GNAZ: variants seen among roughly 807,000 people sequenced by gnomAD.
GNAZ encodes G protein subunit alpha z.
In GNAZ, 3 loss-of-function variants were observed where a neutral mutation model predicts 25.4. The ratio of observed to expected loss-of-function variants is 0.12; its 90% CI spans 0.05 to 0.30. GNAZ has a LOEUF of 0.30. GNAZ is among the 10% of genes least tolerant of loss of function. The pLI is 1.00. For synonymous variants in GNAZ, 211 were observed against 205.7 expected (o/e 1.03, Z -0.22); for missense variants, 241 against 501.8 (o/e 0.48, Z 4.97).
chr22:23,095,744 C>G lies in GNAZ; in HGVS notation c.49C>G (p.Arg17Gly). The G allele has an allele frequency of 6.2e-7, 1 of 1,612,494 alleles. No homozygotes were observed. Among genetic ancestry groups the G allele is most frequent in the Non-Finnish European group, 8.5e-7 (1 of 1,179,722 alleles). The change falls in exon 2 of 3, where the codon CGG becomes GGG. Residue 17 changes from arginine to glycine, a missense_variant. Arg to Gly is a moderately radical substitution (Grantham distance 125). Transcript: ENST00000615612. ...GGAAAAAGAAGCAGCCCGGCGGTCC[C>G]GGAGAATTGACCGCCACCTGCGCTC... is the stretch of plus-strand genomic sequence containing the variant. ...SEEKEAARRSRRIDRHLRSES... is the reference protein window; with the variant it reads ...SEEKEAARRSGRIDRHLRSES...
At chr22:23,114,520 C>T (rs970661832) in intron 2 of GNAZ, among the ~76,000 whole-genome samples, 1 of 152,144 alleles carries the variant, frequency 6.6e-6, no homozygotes, top group Admixed American at 6.5e-5. Context: ...TGTATTACCC[C>T]TCGCCCCCTG....
Position 23,070,822 on chromosome 22 carries a change from C to T in GNAZ, c.-450+252C>T, listed in dbSNP as rs1277944888. On this transcript the variant is annotated intron_variant, in intron 1 of 2. Coordinates refer to ENST00000615612, the MANE Select transcript of GNAZ (RefSeq NM_002073.4). ...GGGATGCGCCGCCAAGCCGATGACC[C>T]CGCGGGAGGGGGCGGTTGAGGACCC... 5 of 152,070 alleles carry T rather than the reference C, an allele frequency of 3.3e-5. No homozygotes were observed. In the East Asian group the frequency reaches 9.7e-4, roughly 30 times the overall value. The allele number at this position is 152,070 out of a possible 1,614,324, so 9.4% of individuals were successfully genotyped here. A position where few individuals can be genotyped will look rare whatever the true frequency, so the allele number is the denominator to read the frequency against.
intron 1 of GNAZ, among the ~76,000 whole-genome samples, chr22:23,072,344 C>T (rs1601742968): frequency 6.6e-6 from 1 of 152,102 alleles, no homozygotes; most frequent in Admixed American, 6.5e-5. Flanking sequence ...ATAAAATATG[C>T]GCCTTGAGCA....
chr22:23,113,670 A>G (rs561181570), intron 2 of GNAZ, among the ~76,000 whole-genome samples: 1 of 152,106 alleles, frequency 6.6e-6, no homozygotes, highest in Admixed American at 6.5e-5. Context: ...AGGCCCCTCC[A>G]CTCGGTACAC....
At chr22:23,072,871 A>G (rs981355768) in intron 1 of GNAZ, among the ~76,000 whole-genome samples, 2 of 152,192 alleles carry the variant, frequency 1.3e-5, no homozygotes, top group Non-Finnish European at 2.9e-5. Context: ...CTGGTGCAGG[A>G]GTATGGGTGG....
At chr22:23,103,533 C>T (rs1256487196) in intron 2 of GNAZ, among the ~76,000 whole-genome samples, 2 of 152,184 alleles carry the variant, frequency 1.3e-5, no homozygotes, top group African/African-American at 4.8e-5. Context: ...GTGTTTACCC[C>T]GCTGGAGAAA....
At chr22:23,119,778 T>A (rs2069958796) in intron 2 of GNAZ, among the ~76,000 whole-genome samples, 1 of 152,196 alleles carries the variant, frequency 6.6e-6, no homozygotes, top group Non-Finnish European at 1.5e-5. Context: ...GGTTGGTGCC[T>A]CCTGCAGGCT....
chr22:23,122,958 G>C, intron 2 of GNAZ, 129 bp from the exon 3 acceptor site: 3 of 638,542 alleles, frequency 4.7e-6, no homozygotes, highest in Non-Finnish European at 8.3e-6. Flanking sequence ...CCAGCAGAAG[G>C]AGGTGCCATT....
chr22:23,090,889 T>C (rs2068952050), intron 1 of GNAZ, among the ~76,000 whole-genome samples: 1 of 152,208 alleles, frequency 6.6e-6, no homozygotes, highest in Non-Finnish European at 1.5e-5. Context: ...TTCATCTGCC[T>C]CATTCAGCAG....
chr22:23,077,450 C>T, intron 1 of GNAZ, among the ~76,000 whole-genome samples: 1 of 152,214 alleles, frequency 6.6e-6, no homozygotes, highest in African/African-American at 2.4e-5. Context: ...CTCTACAAGG[C>T]CGGGAGCCTC....
rs1262387602 is a variant in GNAZ, at chr22:23,096,259, C to T, written c.564C>T (p.Asn188=). 1 of 1,614,080 alleles carries T rather than the reference C, an allele frequency of 6.2e-7. No homozygotes were observed. Among genetic ancestry groups the T allele is most frequent in the Non-Finnish European group, 8.5e-7 (1 of 1,180,044 alleles). Residue 188 remains asparagine, a synonymous_variant, in exon 2 of 3, where the codon AAC becomes AAT. Transcript: ENST00000615612. The part of the protein sequence containing the change: ...SRDMTTGIVE[N]KFTFKELTFK... Reference sequence around the variant, plus strand: ...ACATGACCACGGGCATTGTGGAGAACAAGTTCACCTTCAAGGAGCTCACCT... The same window carrying T: ...ACATGACCACGGGCATTGTGGAGAATAAGTTCACCTTCAAGGAGCTCACCT...
intron 1 of GNAZ, among the ~76,000 whole-genome samples, chr22:23,090,246 C>T (rs934287594): frequency 7.9e-5 from 12 of 152,114 alleles, no homozygotes; most frequent in African/African-American, 2.2e-4. Flanking sequence ...AGAGCAGCCC[C>T]TGCTTCAGCC....
intron 1 of GNAZ, among the ~76,000 whole-genome samples, chr22:23,082,425 T>A: frequency 6.7e-6 from 1 of 149,994 alleles, no homozygotes; most frequent in East Asian, 2.0e-4. Flanking sequence ...GGTTTCACCA[T>A]GTTGGCCAGG....
At chr22:23,083,502 T>TATCC (rs2068733887) in intron 1 of GNAZ, among the ~76,000 whole-genome samples, 1 of 152,194 alleles carries the variant, frequency 6.6e-6, no homozygotes, top group Non-Finnish European at 1.5e-5. Context: ...TTCCTCCATC[T>TATCC]ATCCATCCAT....
intron 2 of GNAZ, among the ~76,000 whole-genome samples, chr22:23,114,463 T>C (rs1020012612): frequency 2.0e-5 from 3 of 152,072 alleles, no homozygotes; most frequent in Admixed American, 6.5e-5. Flanking sequence ...CTGCAATGCC[T>C]TCCCTTCCCC....
rs1288288427 is a variant in GNAZ, at chr22:23,115,366, C to T, written c.724-7721C>T. On this transcript the variant is annotated intron_variant, in intron 2 of 2. Transcript: ENST00000615612. ...CAGTGTGATTTGGGGCTGCATGGAT[C>T]CAGAGTAGGGAGGTGACGGTCCCAC... 2.0e-5 allele frequency among the ~76,000 whole-genome samples: 3 copies of T among 152,144 alleles called. No individual in the cohort carries two copies. In the East Asian group the frequency reaches 5.8e-4, roughly 29 times the overall value.
chr22:23,082,776 G>A (rs1016930487), intron 1 of GNAZ, among the ~76,000 whole-genome samples: 16 of 152,136 alleles, frequency 1.1e-4, no homozygotes, highest in African/African-American at 2.9e-4. Context: ...CTGCAGGGAA[G>A]TGTGAGGTTT....
chr22:23,115,984 C>T (rs2069820647), intron 2 of GNAZ, among the ~76,000 whole-genome samples: 1 of 152,240 alleles, frequency 6.6e-6, no homozygotes, highest in South Asian at 2.1e-4. Flanking sequence ...AGGCCAAGCA[C>T]ACCAGGAAGG....
At position 23,095,685 on chromosome 22, in the gene GNAZ, G is replaced by A; in HGVS notation, c.-11G>A. On this transcript the variant is annotated 5_prime_UTR_variant, in exon 2 of 3. Transcript: ENST00000615612. ...CCCGTGCTCCTTGTCTGGGCCCGCT[G>A]CTGCCAGACCATGGGATGTCGGCAA... 6.3e-7 allele frequency: 1 copy of A among 1,594,984 alleles called. No homozygotes were observed. The highest frequency in any genetic ancestry group is 8.5e-7 in the Non-Finnish European group (1 of 1,171,110).
Sources: allele counts gnomAD v4.1 joint callset (sites outside exome capture counted in the v4.1 genomes callset), GRCh38; gene constraint gnomAD v4.1.1; transcripts MANE v1.5; gene names NCBI Gene and HGNC (gene_info 2026-07-23, HGNC 2026-07-21).